Variants in DCC observed in about 807,000 individuals in gnomAD.
The protein encoded by DCC is DCC netrin 1 receptor.
In DCC, 58 loss-of-function variants were observed where a neutral mutation model predicts 172.5. That is an observed-to-expected ratio of 0.34 (90% CI 0.27 to 0.42). DCC has a LOEUF of 0.42. Ranked by LOEUF, DCC falls within the 10% of genes least tolerant of loss-of-function variation. DCC has a pLI of 1.00. For missense variants in DCC, 1,740 were observed against 1,791.0 expected (o/e 0.97, Z 0.51); for synonymous variants, 709 against 644.5 (o/e 1.10, Z -1.52).
At chr18:53,409,776 T>A (rs903793007) in intron 19 of DCC, among the ~76,000 whole-genome samples, 1 of 152,160 alleles carries the variant, frequency 6.6e-6, no homozygotes, top group Non-Finnish European at 1.5e-5. Flanking sequence ...AATAACTAGA[T>A]CATGTACAGT....
At chr18:52,868,765 C>T (rs1229652281) in intron 2 of DCC, among the ~76,000 whole-genome samples, 1 of 152,202 alleles carries the variant, frequency 6.6e-6, no homozygotes, top group East Asian at 1.9e-4. Flanking sequence ...GCCTGAACCC[C>T]CTGCCTCCAA....
At chr18:53,264,540 C>T (rs1291011094) in intron 12 of DCC, among the ~76,000 whole-genome samples, 2 of 151,192 alleles carry the variant, frequency 1.3e-5, no homozygotes, top group Non-Finnish European at 2.9e-5. Context: ...CCTAGGCAAT[C>T]CCCATGCAAT....
intron 1 of DCC, among the ~76,000 whole-genome samples, chr18:52,677,137 G>C (rs2035659115): frequency 6.6e-6 from 1 of 151,856 alleles, no homozygotes; most frequent in Non-Finnish European, 1.5e-5. Flanking sequence ...ATTATGAAAC[G>C]GGCCTTAATT....
intron 7 of DCC, among the ~76,000 whole-genome samples, chr18:53,153,728 C>T (rs971664719): frequency 1.3e-5 from 2 of 152,220 alleles, no homozygotes; most frequent in South Asian, 4.1e-4. Context: ...CTCAACTAAA[C>T]CAAGAGGGAA....
chr18:52,805,079 T>C (rs564480307), intron 2 of DCC, among the ~76,000 whole-genome samples: 80 of 152,276 alleles, frequency 5.3e-4, no homozygotes, highest in African/African-American at 1.6e-3. Flanking sequence ...CATCTCTCAA[T>C]TAAGGGTAGC....
At chr18:53,336,551 G>A (rs1282783546) in intron 14 of DCC, among the ~76,000 whole-genome samples, 1 of 152,024 alleles carries the variant, frequency 6.6e-6, no homozygotes, top group Non-Finnish European at 1.5e-5. Flanking sequence ...AGCTTAATTT[G>A]GTGATAAAGG....
chr18:52,795,782 C>T (rs887142076), intron 2 of DCC, among the ~76,000 whole-genome samples: 1 of 151,882 alleles, frequency 6.6e-6, no homozygotes, highest in Non-Finnish European at 1.5e-5. Context: ...TTGGTTTTGG[C>T]ATACTGTTTT....
At chr18:52,794,782 A>G (rs1457526618) in intron 2 of DCC, among the ~76,000 whole-genome samples, 1 of 151,964 alleles carries the variant, frequency 6.6e-6, no homozygotes, top group Non-Finnish European at 1.5e-5. Flanking sequence ...TTTGTCATAT[A>G]TATGGTCTTT....
intron 1 of DCC, among the ~76,000 whole-genome samples, chr18:52,658,587 T>C (rs2144941760): frequency 7.1e-6 from 1 of 141,264 alleles, no homozygotes; most frequent in South Asian, 2.2e-4. Context: ...CAATATGTTA[T>C]TTCTAATGAA....
At chr18:52,487,866 G>T (rs1053590770) in intron 1 of DCC, among the ~76,000 whole-genome samples, 1 of 145,682 alleles carries the variant, frequency 6.9e-6, no homozygotes, top group African/African-American at 2.5e-5. Context: ...GCCCACTGTA[G>T]CAGCTCCTTG....
At chr18:53,091,413 T>C (rs888534754) in intron 7 of DCC, among the ~76,000 whole-genome samples, 3 of 148,734 alleles carry the variant, frequency 2.0e-5, no homozygotes, top group Non-Finnish European at 4.5e-5. Flanking sequence ...TATGTATATA[T>C]ACACACACAC....
chr18:52,551,981 C>T (rs562305701), intron 1 of DCC, among the ~76,000 whole-genome samples: 1 of 151,522 alleles, frequency 6.6e-6, no homozygotes. Context: ...GGTATTGATG[C>T]ATGTAAGAGA....
chr18:52,848,493 T>C (rs1386183597), intron 2 of DCC, among the ~76,000 whole-genome samples: 3 of 152,222 alleles, frequency 2.0e-5, no homozygotes, highest in African/African-American at 7.2e-5. Flanking sequence ...TTTAAAATAA[T>C]GCATTTTGGA....
At chr18:52,869,109 T>C (rs2039276015) in intron 2 of DCC, among the ~76,000 whole-genome samples, 1 of 152,244 alleles carries the variant, frequency 6.6e-6, no homozygotes, top group East Asian at 1.9e-4. Flanking sequence ...TTGCCTGCAA[T>C]GTGGCAAATG....
chr18:53,240,686 G>T (rs79459585), intron 12 of DCC, among the ~76,000 whole-genome samples: 1 of 152,082 alleles, frequency 6.6e-6, no homozygotes, highest in African/African-American at 2.4e-5. Flanking sequence ...TGAGATTGTC[G>T]TTGGGACTAA....
At chr18:53,333,338 G>A (rs951740899) in intron 14 of DCC, among the ~76,000 whole-genome samples, 8 of 152,218 alleles carry the variant, frequency 5.3e-5, no homozygotes, top group African/African-American at 1.4e-4. Context: ...GTAGTTTGCT[G>A]TAAAGAAATA....
At chr18:53,158,631 G>T (rs1210494837) in intron 8 of DCC, among the ~76,000 whole-genome samples, 1 of 150,958 alleles carries the variant, frequency 6.6e-6, no homozygotes, top group African/African-American at 2.5e-5. Flanking sequence ...TTTGTAGTTG[G>T]CAGCAAGTTC....
At chr18:52,734,537 A>G (rs1024804441) in intron 1 of DCC, among the ~76,000 whole-genome samples, 22 of 152,108 alleles carry the variant, frequency 1.4e-4, no homozygotes, top group Non-Finnish European at 2.8e-4. Context: ...GTTATCTTGT[A>G]TCCAGGTGGG....
chr18:53,011,283 AAAT>A (rs1277638655), intron 5 of DCC, among the ~76,000 whole-genome samples: 2 of 151,706 alleles, frequency 1.3e-5, no homozygotes, highest in Non-Finnish European at 3.0e-5. Context: ...CTATTTGGAA[AAAT>A]AATCCTGTTT....
Sources: allele counts gnomAD v4.1 joint callset (sites outside exome capture counted in the v4.1 genomes callset), GRCh38; gene constraint gnomAD v4.1.1; transcripts MANE v1.5; gene names NCBI Gene and HGNC (gene_info 2026-07-23, HGNC 2026-07-21).